PSG2: variants seen among roughly 807,000 people sequenced by gnomAD.
PSG2 encodes the protein pregnancy-specific beta-1-glycoprotein 2.
A neutral mutation model predicts 36.2 loss-of-function variants in PSG2; 49 were observed. The ratio of observed to expected loss-of-function variants is 1.35; its 90% CI spans 1.08 to 1.72. PSG2 has a LOEUF of 1.72. Among genes scored for constraint, PSG2 ranks in the 40% most tolerant of loss-of-function variants. PSG2 has a pLI of 0.00. For missense variants in PSG2, 605 were observed against 407.2 expected (o/e 1.49, Z -4.18); for synonymous variants, 261 against 155.6 (o/e 1.68, Z -5.04).
chr19:43,079,808 T>C (rs1016528565), intron 2 of PSG2, among the ~76,000 whole-genome samples: 2 of 151,616 alleles, frequency 1.3e-5, no homozygotes, highest in African/African-American at 4.9e-5. Flanking sequence ...TTTGAGCCAA[T>C]AAATGACATG....
At chr19:43,065,835 C>G (rs895636759) in intron 5 of PSG2, 1 of 151,738 alleles carries the variant, frequency 6.6e-6, no homozygotes, top group Non-Finnish European at 1.5e-5. Context: ...TCACATGTTG[C>G]TTGTGATGAA....
At position 43,081,133 on chromosome 19, in the gene PSG2, G is replaced by C; in HGVS notation, c.178C>G (p.Gln60Glu). Residue 60 changes from glutamine to glutamate, a missense_variant, in exon 2 of 6, where the codon CAG (glutamine) becomes GAG (glutamate). Physicochemically the swap from Gln to Glu is conservative, Grantham distance 29 (BLOSUM62 2). Transcript: ENST00000406487. The part of the protein sequence containing the change: ...DVLLLVHNLP[Q>E]NLTGYIWYKG... ...TACCAGATGTAGCCAGTAAGATTCT[G>C]GGGCAAATTGTGGACAAGTAGAAGA... 6.2e-7 allele frequency: 1 copy of C among 1,612,816 alleles called. No homozygotes were observed. The highest frequency in any genetic ancestry group is 1.7e-5 in the Admixed American group (1 of 59,924).
chr19:43,078,611 CCAAA>C (rs902186505), intron 2 of PSG2, among the ~76,000 whole-genome samples: 1 of 151,566 alleles, frequency 6.6e-6, no homozygotes, highest in East Asian at 1.9e-4. Context: ...GATTCCATCA[CCAAA>C]CAATCAGCAG....
chr19:43,066,088 T>C (rs985770160), intron 5 of PSG2, among the ~76,000 whole-genome samples: 2 of 151,688 alleles, frequency 1.3e-5, no homozygotes, highest in Non-Finnish European at 2.9e-5. Context: ...AGATTCTTGA[T>C]TAAATCAATT....
chr19:43,064,760 A>T (rs1967717167), intron 5 of PSG2, among the ~76,000 whole-genome samples, 159 bp from the exon 6 acceptor site: 2 of 151,850 alleles, frequency 1.3e-5, no homozygotes, highest in Non-Finnish European at 2.9e-5. Flanking sequence ...AAATCTAGTT[A>T]CTTCTGTGGC....
At chr19:43,075,156 A>G (rs551954496) in intron 3 of PSG2, among the ~76,000 whole-genome samples, 198 bp downstream of exon 3, 1 of 151,876 alleles carries the variant, frequency 6.6e-6, no homozygotes, top group Non-Finnish European at 1.5e-5. Context: ...CTCCTATGAC[A>G]GGAGGAGCCT....
chr19:43,082,473 C>CTCCTG (rs753695037), intron 1 of PSG2, 33 bp downstream of exon 1: 3 of 1,603,378 alleles, frequency 1.9e-6, no homozygotes, highest in Non-Finnish European at 1.7e-6. Flanking sequence ...CTTCTTCCTC[C>CTCCTG]TCCTGTCCTC....
In PSG2 at chr19:43,071,740, A is replaced by C; in HGVS notation, c.924T>G (p.Thr308=). 1 of 1,612,972 alleles carries C rather than the reference A, an allele frequency of 6.2e-7. No individual in the cohort carries two copies. Among genetic ancestry groups the C allele is most frequent in the Non-Finnish European group, 8.5e-7 (1 of 1,179,454 alleles). ...TCAACGATGTGGAGCTTTCCTCGCC[A>C]GTGGCTGAGTTACGAACAGAGCAAA... The part of the protein sequence containing the change: ...LYVCSVRNSA[T]GEESSTSLTV... The change falls in exon 4 of 6, where the codon ACT becomes ACG. Residue 308 remains threonine (T), a synonymous_variant. Transcript: ENST00000406487.
chr19:43,076,146 T>G lies in PSG2; in HGVS notation c.431-514A>C, dbSNP rs141542459. Among the ~76,000 whole-genome samples the G allele has an allele frequency of 7.5e-3, 1,133 of 151,786 alleles. 26 individuals are homozygous for G. The highest frequency in any genetic ancestry group is 9.0e-3 in the African/African-American group (370 of 41,218). On this transcript the variant is annotated intron_variant, in intron 2 of 5. Transcript: ENST00000406487. ...TGGCCTGGGACTGGGTACTTCAGCA[T>G]AAATAACACAGGGGAGACCAGAGTC...
At position 43,081,174 on chromosome 19, in the gene PSG2, G is replaced by T; in HGVS notation, c.137C>A (p.Ser46Tyr). The T allele has an allele frequency of 6.2e-7, 1 of 1,612,740 alleles. No individual in the cohort carries two copies. Among genetic ancestry groups the T allele is most frequent in the East Asian group, 2.2e-5 (1 of 44,854 alleles). Residue 46 changes from serine to tyrosine, a missense_variant, in exon 2 of 6, where the codon TCC (serine) becomes TAC (tyrosine). Ser to Tyr is a moderately radical substitution (Grantham distance 144). Transcript: ENST00000406487. ...AAGTAGAAGAACATCCTTCCCCTCG[G>T]AAACTTTTGGTGGCTGGGCTTCAAT... Reference protein sequence around the residue: ...VTIEAQPPKVSEGKDVLLLVH... With the variant: ...VTIEAQPPKVYEGKDVLLLVH...
rs527405564 is a variant in PSG2, at chr19:43,064,962, G to A, written c.*41-361C>T. Among the ~76,000 whole-genome samples the A allele has an allele frequency of 2.6e-5, 4 of 151,804 alleles. 1 individual carries two copies. The highest frequency in any genetic ancestry group is 9.7e-5 in the African/African-American group (4 of 41,218). On this transcript the variant is annotated intron_variant, in intron 5 of 5. Transcript: ENST00000406487. ...TTCTCCTGCCTCAGCCTCCTGAGTA[G>A]CTGGGACTACAGGTGCCTGCCACCA... is the stretch of plus-strand genomic sequence containing the variant.
rs533034801 is a variant in PSG2 at position 43,079,110 on chromosome 19, T to G, written c.430+1771A>C. Among the ~76,000 whole-genome samples the G allele has an allele frequency of 1.8e-4, 27 of 150,980 alleles. 1 individual carries two copies. Among genetic ancestry groups the G allele is most frequent in the East Asian group, 9.7e-4 (5 of 5,158 alleles). On this transcript the variant is annotated intron_variant, in intron 2 of 5. Coordinates refer to ENST00000406487, the MANE Select transcript of PSG2 (RefSeq NM_031246.4). ...AGGGAGTGTCTGGGGAAGGCCTAGG[T>G]GTGAGGGAAGAAGCTGTGCAGGACA...
intron 4 of PSG2, among the ~76,000 whole-genome samples, chr19:43,066,888 A>G (rs773449998): frequency 6.7e-6 from 1 of 149,682 alleles, no homozygotes; most frequent in East Asian, 2.0e-4. Context: ...TGTCATTAGA[A>G]CTTGCCACAT....
chr19:43,070,542 G>A (rs942934871), intron 4 of PSG2, among the ~76,000 whole-genome samples: 49 of 151,680 alleles, frequency 3.2e-4, no homozygotes, highest in African/African-American at 1.1e-3. Context: ...CCAATACATC[G>A]TGCAAAATGG....
At chr19:43,066,346 G>T (rs1224132731) in intron 5 of PSG2, among the ~76,000 whole-genome samples, 171 bp downstream of exon 5, 12 of 151,658 alleles carry the variant, frequency 7.9e-5, no homozygotes, top group Non-Finnish European at 1.6e-4. Flanking sequence ...GGGGTACAGG[G>T]AGCATAAAGG....
At chr19:43,064,927 G>A (rs1217439505) in intron 5 of PSG2, among the ~76,000 whole-genome samples, 2 of 151,838 alleles carry the variant, frequency 1.3e-5, no homozygotes, top group Non-Finnish European at 2.9e-5. Context: ...CGCCTCCGCG[G>A]TTCATGCCAT....
chr19:43,065,909 T>C lies in PSG2; in HGVS notation c.*40+608A>G, dbSNP rs1261327807. ...TTTCACTCTGTTTTTAGACATAGCATTGGAACTAAGAATTTTATGTCTATA... is the reference window on the plus strand; with the variant it reads ...TTTCACTCTGTTTTTAGACATAGCACTGGAACTAAGAATTTTATGTCTATA... On this transcript the variant is annotated intron_variant, in intron 5 of 5. Transcript: ENST00000406487. The C allele has an allele frequency of 2.6e-5, 4 of 152,310 alleles. No individual in the cohort carries two copies. The East Asian group carries it at 5.8e-4, about 22-fold the overall frequency. 9.4% of individuals were successfully genotyped at this position (152,310 alleles called of 1,614,324 possible). A position where few individuals can be genotyped will look rare whatever the true frequency, so the allele number is the denominator to read the frequency against.
At position 43,075,721 on chromosome 19, in the gene PSG2, T is replaced by A. The variant is rs897501972; in HGVS notation, c.431-89A>T. The A allele has an allele frequency of 1.1e-5, 17 of 1,538,614 alleles. 1 individual carries two copies. The African/African-American group carries it at 1.5e-4, about 14-fold the overall frequency. ...TCAATCAGAGTTGGCATTTCCCACC[T>A]CTCAGCCCACCCAAGTCCTTAAAAG... On this transcript the variant is annotated intron_variant, in intron 2 of 5. Coordinates refer to ENST00000406487, the MANE Select transcript of PSG2 (RefSeq NM_031246.4).
At position 43,079,706 on chromosome 19, in the gene PSG2, G is replaced by A. The variant is rs117598870; in HGVS notation, c.430+1175C>T. ...CATGTTTTTTGCACTGATTCTGACAGTTGAGGCAGGTGATTTAGTTCTGGA... is the reference window on the plus strand; with the variant it reads ...CATGTTTTTTGCACTGATTCTGACAATTGAGGCAGGTGATTTAGTTCTGGA... On this transcript the variant is annotated intron_variant, in intron 2 of 5. Transcript: ENST00000406487. 8.9e-3 allele frequency among the ~76,000 whole-genome samples: 1,345 copies of A among 151,816 alleles called. 17 individuals carry two copies. The highest frequency in any genetic ancestry group is 0.014 in the Non-Finnish European group (949 of 67,958).
Sources: allele counts gnomAD v4.1 joint callset (sites outside exome capture counted in the v4.1 genomes callset), GRCh38; gene constraint gnomAD v4.1.1; transcripts MANE v1.5; gene names NCBI Gene and HGNC (gene_info 2026-07-23, HGNC 2026-07-21).